OR8B3: variants seen among roughly 807,000 people sequenced by gnomAD.
OR8B3 encodes the protein olfactory receptor family 8 subfamily B member 3.
For synonymous variants in OR8B3, 102 were observed against 135.4 expected, an observed-to-expected ratio of 0.75 and a Z score of 1.71; for missense variants, 278 against 377.6, an observed-to-expected ratio of 0.74 and a Z score of 2.19.
rs1374219396 is a variant in OR8B3, at chr11:124,396,409, A to G, written c.*1T>C. ...TCGTTTTACATTATTACTGCTTCTA[A>G]TTAGAATATATTTCTTCTCTGAATT... On this transcript the variant is annotated 3_prime_UTR_variant, in exon 2 of 2. Coordinates refer to ENST00000641139, the MANE Select transcript of OR8B3 (RefSeq NM_001005467.2). The G allele has an allele frequency of 2.5e-6, 4 of 1,592,016 alleles. No homozygotes were observed. Among genetic ancestry groups the G allele is most frequent in the Admixed American group, 1.8e-5 (1 of 54,606 alleles).
the OR8B3 span, chr11:124,404,469 AT>A: frequency 5.9e-5 from 9 of 152,152 alleles, no homozygotes; most frequent in South Asian, 1.7e-3. Context: ...TAAATAACTT[AT>A]TTTTTTCTGT....
rs773700466 is a variant in OR8B3 at position 124,397,104 on chromosome 11, A to G, written c.248T>C (p.Met83Thr). The G allele has an allele frequency of 1.1e-5, 17 of 1,613,780 alleles. No homozygotes were observed. In the South Asian group the frequency reaches 1.6e-4, roughly 16 times the overall value. Reference protein sequence around the residue: ...YSSVFTPKMLMNFVSKKNIIS... With the variant: ...YSSVFTPKMLTNFVSKKNIIS... ...AATATTCTTTTTTGATACAAAGTTC[A>G]TTAGCATTTTGGGAGTGAAAACAGA... Residue 83 changes from methionine (M) to threonine (T), a missense_variant, in exon 2 of 2, where the codon ATG (methionine) becomes ACG (threonine). Coordinates refer to ENST00000641139, the MANE Select transcript of OR8B3 (RefSeq NM_001005467.2).
Position 124,396,175 on chromosome 11 carries a change from A to G in OR8B3, c.*235T>C, listed in dbSNP as rs1237639339. On this transcript the variant is annotated 3_prime_UTR_variant, in exon 2 of 2. Transcript: ENST00000641139. ...GAAGGATATAAAATGATAATGAAAA[A>G]TATCAGTGCATATGTTCCTTTTACA... The G allele has an allele frequency of 4.6e-6, 2 of 431,876 alleles. No homozygotes were observed. Among genetic ancestry groups the G allele is most frequent in the African/African-American group, 2.0e-5 (1 of 49,384 alleles). The allele number at this position is 431,876 out of a possible 1,614,324, so 26.8% of individuals were successfully genotyped here.
Position 124,396,337 on chromosome 11 carries a change from C to G in OR8B3, c.*73G>C. The G allele has an allele frequency of 7.8e-7, 1 of 1,286,946 alleles. No homozygotes were observed. The highest frequency in any genetic ancestry group is 1.1e-6 in the Non-Finnish European group (1 of 943,588). 79.7% of individuals were successfully genotyped at this position (1,286,946 alleles called of 1,614,324 possible). A position where few individuals can be genotyped will look rare whatever the true frequency, so the allele number is the denominator to read the frequency against. ...CACATAACACCATCTGTAGAAACAA[C>G]AAAATCTCTTCATGGAACACACTAA... On this transcript the variant is annotated 3_prime_UTR_variant, in exon 2 of 2. Transcript: ENST00000641139.
At chr11:124,401,933 T>A (rs1227260831), upstream of OR8B3, among the ~76,000 whole-genome samples, 1 of 152,188 alleles carries the variant, frequency 6.6e-6, no homozygotes, top group Non-Finnish European at 1.5e-5. Flanking sequence ...TCTCTGTCCT[T>A]CTCTCCATGT....
chr11:124,405,041 G>A, the OR8B3 span: 1 of 152,128 alleles, frequency 6.6e-6, no homozygotes, highest in Admixed American at 6.5e-5. Context: ...CTGGGGCAGC[G>A]GGAGTTTGTT....
At chr11:124,398,502 C>T (rs1461090540) in intron 1 of OR8B3, among the ~76,000 whole-genome samples, 188 bp downstream of exon 1, 1 of 152,144 alleles carries the variant, frequency 6.6e-6, no homozygotes, top group East Asian at 1.9e-4. Context: ...CTGGATGTGT[C>T]ACTTGGAACT....
chr11:124,399,045 C>T (rs1320265909), upstream of OR8B3: 3 of 152,130 alleles, frequency 2.0e-5, no homozygotes, highest in Non-Finnish European at 4.4e-5. Context: ...ACCTCCCCTA[C>T]CATGACAAAC....
At position 124,395,636 on chromosome 11, in the gene OR8B3, AT is replaced by A. The variant is rs1233979727; in HGVS notation, c.*773del. ...GTAGGAACTACACGCTTTTTTCAAAATTTTCAATGCTGTTTTAGATAGCAAT... is the reference window on the plus strand; with the variant it reads ...GTAGGAACTACACGCTTTTTTCAAAATTTCAATGCTGTTTTAGATAGCAAT... On this transcript the variant is annotated 3_prime_UTR_variant, in exon 2 of 2. Transcript: ENST00000641139. 1 of 152,154 alleles carries A rather than the reference AT, an allele frequency of 6.6e-6. No homozygotes were observed. 9.4% of individuals were successfully genotyped at this position (152,154 alleles called of 1,614,324 possible).
At chr11:124,403,673 C>T (rs1173500673), upstream of OR8B3, among the ~76,000 whole-genome samples, 2 of 152,148 alleles carry the variant, frequency 1.3e-5, no homozygotes, top group East Asian at 1.9e-4. Context: ...AGACGATGGG[C>T]GGCCAGGCAG....
upstream of OR8B3, among the ~76,000 whole-genome samples, chr11:124,400,188 T>C (rs1416757961): frequency 1.3e-5 from 2 of 152,164 alleles, no homozygotes; most frequent in East Asian, 3.9e-4. Context: ...AAGAGATGTA[T>C]AAACTTTTGT....
upstream of OR8B3, among the ~76,000 whole-genome samples, chr11:124,403,719 G>A (rs1466630176): frequency 6.6e-6 from 1 of 152,226 alleles, no homozygotes; most frequent in Non-Finnish European, 1.5e-5. Context: ...GTGGCGGCCG[G>A]GCAAAGGCTG....
At chr11:124,401,648 A>G (rs1471195472), upstream of OR8B3, among the ~76,000 whole-genome samples, 1 of 152,242 alleles carries the variant, frequency 6.6e-6, no homozygotes, top group Non-Finnish European at 1.5e-5. Context: ...CAGAAAGTGT[A>G]TGCATTGTTA....
upstream of OR8B3, among the ~76,000 whole-genome samples, chr11:124,402,683 A>G (rs1479434169): frequency 6.6e-6 from 1 of 152,230 alleles, no homozygotes; most frequent in Non-Finnish European, 1.5e-5. Flanking sequence ...AACCATTTTA[A>G]GCTATTTAAT....
chr11:124,399,722 A>G (rs1328413856), upstream of OR8B3, among the ~76,000 whole-genome samples: 1 of 152,226 alleles, frequency 6.6e-6, no homozygotes. Flanking sequence ...ACTATAGGAC[A>G]ATAGCAAAAC....
intron 1 of OR8B3, among the ~76,000 whole-genome samples, 168 bp downstream of exon 1, chr11:124,398,522 A>G (rs184366464): frequency 1.3e-5 from 2 of 152,332 alleles, no homozygotes; most frequent in African/African-American, 4.8e-5. Flanking sequence ...TGCTATTGCT[A>G]TCTTGATACC....
chr11:124,399,890 T>C (rs1427799094), upstream of OR8B3, among the ~76,000 whole-genome samples: 1 of 152,040 alleles, frequency 6.6e-6, no homozygotes, highest in Admixed American at 6.6e-5. Flanking sequence ...ATTCTCTTTT[T>C]TTTTTTTTTT....
chr11:124,395,965 A>T lies in OR8B3; in HGVS notation c.*445T>A, dbSNP rs921187170. The T allele has an allele frequency of 1.9e-5, 3 of 154,776 alleles. No homozygotes were observed. Among genetic ancestry groups the T allele is most frequent in the Admixed American group, 6.4e-5 (1 of 15,588 alleles). 9.6% of individuals were successfully genotyped at this position (154,776 alleles called of 1,614,324 possible). A position where few individuals can be genotyped will look rare whatever the true frequency, so the allele number is the denominator to read the frequency against. ...GTGCTCATTCTGCTTTAAGCTACCT[A>T]CCATTTGTAATGGAGACATTTCATC... is the stretch of plus-strand genomic sequence containing the variant. On this transcript the variant is annotated 3_prime_UTR_variant, in exon 2 of 2. Transcript: ENST00000641139.
chr11:124,402,148 T>A (rs1861004200), upstream of OR8B3, among the ~76,000 whole-genome samples: 2 of 152,228 alleles, frequency 1.3e-5, no homozygotes, highest in African/African-American at 2.4e-5. Context: ...GGCTTCTACA[T>A]GAATAAAACT....
Sources: gnomAD v4.1 joint callset for allele counts (sites outside exome capture counted in the v4.1 genomes callset) on GRCh38, gnomAD v4.1.1 for gene constraint, MANE v1.5 for transcripts, NCBI Gene and HGNC (gene_info 2026-07-23, HGNC 2026-07-21) for gene names.